The following IMMP2L variants were observed in gnomAD, a reference collection of about 807,000 sequenced individuals.
IMMP2L encodes inner mitochondrial membrane peptidase subunit 2, also known as mitochondrial inner membrane protease subunit 2.
A neutral mutation model predicts 19.3 loss-of-function variants in IMMP2L; 18 were observed. That is an observed-to-expected ratio of 0.93 (90% CI 0.64 to 1.38). The LOEUF (loss-of-function observed/expected upper bound fraction) is 1.38, where lower values mean the gene tolerates loss of function less well. Ranked by LOEUF, IMMP2L falls within the 40% of genes most tolerant of loss-of-function variation. The probability of loss-of-function intolerance (pLI) is 0.00; values close to 1 mark genes in which losing one functional copy is unlikely to be tolerated. For synonymous variants in IMMP2L, 76 were observed against 73.0 expected (o/e 1.04, Z -0.21); for missense variants, 233 against 218.2 (o/e 1.07, Z -0.43).
At chr7:111,217,504 C>A (rs912238055) in intron 3 of IMMP2L, among the ~76,000 whole-genome samples, 3 of 152,026 alleles carry the variant, frequency 2.0e-5, no homozygotes, top group African/African-American at 7.2e-5. Flanking sequence ...AAGCATTTAG[C>A]CTACAGCAGA....
At chr7:110,744,977 C>T (rs933752290) in intron 5 of IMMP2L, among the ~76,000 whole-genome samples, 1 of 152,088 alleles carries the variant, frequency 6.6e-6, no homozygotes, top group Non-Finnish European at 1.5e-5. Context: ...CATGTCTTAA[C>T]CCAATGTAAG....
chr7:110,920,166 C>T (rs1814101212), intron 4 of IMMP2L, among the ~76,000 whole-genome samples: 1 of 152,158 alleles, frequency 6.6e-6, no homozygotes, highest in South Asian at 2.1e-4. Flanking sequence ...CCTCAGCTTG[C>T]AGACAGCCTA....
At chr7:110,774,804 G>C (rs1799268642) in intron 5 of IMMP2L, among the ~76,000 whole-genome samples, 3 of 151,988 alleles carry the variant, frequency 2.0e-5, no homozygotes, top group Admixed American at 2.0e-4. Flanking sequence ...TATAATGTTT[G>C]CACAATGACA....
chr7:111,524,488 C>G (rs1196706517), intron 1 of IMMP2L, among the ~76,000 whole-genome samples: 3 of 151,522 alleles, frequency 2.0e-5, no homozygotes, highest in Non-Finnish European at 4.4e-5. Context: ...GATAATAATT[C>G]CAGGGTAGTG....
At chr7:110,819,948 G>C (rs1802877364) in intron 5 of IMMP2L, among the ~76,000 whole-genome samples, 1 of 151,550 alleles carries the variant, frequency 6.6e-6, no homozygotes, top group South Asian at 2.1e-4. Flanking sequence ...TGTTCATTTT[G>C]TTTTATTTAA....
chr7:110,673,525 T>C (rs1326810224), intron 5 of IMMP2L, among the ~76,000 whole-genome samples: 1 of 152,238 alleles, frequency 6.6e-6, no homozygotes, highest in Non-Finnish European at 1.5e-5. Flanking sequence ...TTTTCTTTTC[T>C]ACTGCATCAT....
intron 3 of IMMP2L, among the ~76,000 whole-genome samples, chr7:111,226,112 CT>C (rs908586048): frequency 2.0e-5 from 3 of 151,906 alleles, no homozygotes; most frequent in Non-Finnish European, 4.4e-5. Flanking sequence ...TCCCCATTCC[CT>C]TTTTTTCCCA....
At chr7:111,048,718 A>T (rs1448588641) in intron 3 of IMMP2L, among the ~76,000 whole-genome samples, 1 of 152,186 alleles carries the variant, frequency 6.6e-6, no homozygotes, top group Non-Finnish European at 1.5e-5. Context: ...TCTGAGGAAT[A>T]TTATATTTGT....
chr7:111,178,111 C>G (rs185248892), intron 3 of IMMP2L, among the ~76,000 whole-genome samples: 1 of 151,952 alleles, frequency 6.6e-6, no homozygotes, highest in African/African-American at 2.4e-5. Flanking sequence ...CAAATACAGG[C>G]GTACCTTGGA....
chr7:111,033,023 G>A (rs1193268055), intron 3 of IMMP2L, among the ~76,000 whole-genome samples: 1 of 152,120 alleles, frequency 6.6e-6, no homozygotes, highest in Non-Finnish European at 1.5e-5. Context: ...AGGAGGCTGA[G>A]TCATGAGAAT....
At chr7:110,695,808 AATG>A (rs1793838091) in intron 5 of IMMP2L, among the ~76,000 whole-genome samples, 1 of 152,176 alleles carries the variant, frequency 6.6e-6, no homozygotes, top group South Asian at 2.1e-4. Flanking sequence ...GACCATTAAG[AATG>A]ATAGTCTCCA....
intron 3 of IMMP2L, among the ~76,000 whole-genome samples, chr7:111,440,821 C>T (rs1837637404): frequency 6.6e-6 from 1 of 151,920 alleles, no homozygotes. Flanking sequence ...GCTTAAAAAT[C>T]TGCTGTGTAG....
intron 1 of IMMP2L, among the ~76,000 whole-genome samples, chr7:111,521,739 T>C (rs1442318494): frequency 6.6e-6 from 1 of 152,086 alleles, no homozygotes; most frequent in Non-Finnish European, 1.5e-5. Flanking sequence ...ATTCCAGAAG[T>C]AAATTCTTTT....
At chr7:110,844,236 T>G (rs1805409209) in intron 5 of IMMP2L, among the ~76,000 whole-genome samples, 1 of 152,202 alleles carries the variant, frequency 6.6e-6, no homozygotes, top group African/African-American at 2.4e-5. Context: ...GCTCAGAGTT[T>G]TCTTTCAAGA....
intron 3 of IMMP2L, among the ~76,000 whole-genome samples, chr7:111,099,307 A>G (rs571363975): frequency 6.6e-6 from 1 of 151,794 alleles, no homozygotes; most frequent in African/African-American, 2.4e-5. Context: ...TCTCTTTTAA[A>G]TGATGAAGAT....
At chr7:111,093,425 A>C (rs960516244) in intron 3 of IMMP2L, among the ~76,000 whole-genome samples, 1 of 152,224 alleles carries the variant, frequency 6.6e-6, no homozygotes, top group African/African-American at 2.4e-5. Flanking sequence ...AGAGGAAAAG[A>C]CTTGAAGTAG....
intron 3 of IMMP2L, among the ~76,000 whole-genome samples, chr7:111,034,945 AT>A (rs1312589910): frequency 6.6e-6 from 1 of 152,170 alleles, no homozygotes; most frequent in Non-Finnish European, 1.5e-5. Flanking sequence ...ATTCAACTTT[AT>A]TAAACTTCAC....
chr7:111,335,031 A>G (rs1280902146), intron 3 of IMMP2L, among the ~76,000 whole-genome samples: 1 of 152,078 alleles, frequency 6.6e-6, no homozygotes, highest in Non-Finnish European at 1.5e-5. Flanking sequence ...CTGTAGCAGG[A>G]GCAGTTTATA....
intron 3 of IMMP2L, among the ~76,000 whole-genome samples, chr7:111,324,505 C>T (rs1239047350): frequency 6.6e-6 from 1 of 151,850 alleles, no homozygotes; most frequent in Non-Finnish European, 1.5e-5. Context: ...TGAGGCAAGT[C>T]ACTCTTTTTC....
Sources: allele counts gnomAD v4.1 joint callset (sites outside exome capture counted in the v4.1 genomes callset), GRCh38; gene constraint gnomAD v4.1.1; transcripts MANE v1.5; gene names NCBI Gene and HGNC (gene_info 2026-07-23, HGNC 2026-07-21).